The following WNT7B variants were observed in gnomAD, a reference collection of about 807,000 sequenced individuals.
The protein encoded by WNT7B is protein Wnt-7b.
Under a neutral mutation model 38.2 loss-of-function variants are expected in WNT7B, and 19 were observed. The observed-to-expected ratio is 0.50, with a 90% confidence interval of 0.35 to 0.73. The LOEUF (loss-of-function observed/expected upper bound fraction) is 0.73. Among genes scored for constraint, WNT7B ranks in the 30% least tolerant of loss-of-function variants. WNT7B has a pLI of 0.01. For missense variants in WNT7B, 423 were observed against 507.9 expected, an observed-to-expected ratio of 0.83 and a Z score of 1.61; for synonymous variants, 243 against 209.3, an observed-to-expected ratio of 1.16 and a Z score of -1.39.
At position 45,945,024 on chromosome 22, in the gene WNT7B, A is replaced by G. The variant is rs557554656; in HGVS notation, c.298+4896T>C. Among the ~76,000 whole-genome samples the G allele has an allele frequency of 7.2e-5, 11 of 152,326 alleles. No individual in the cohort carries two copies. The East Asian group carries it at 2.1e-3, about 29-fold the overall frequency. On this transcript the variant is annotated intron_variant, in intron 2 of 3. Transcript: ENST00000339464. ...TCAACGGAAGGTTCAGGTGAGCCGCAGGTGTCCGCTGAAATTTTCTAGTAG... is the reference window on the plus strand; with the variant it reads ...TCAACGGAAGGTTCAGGTGAGCCGCGGGTGTCCGCTGAAATTTTCTAGTAG...
At chr22:45,963,772 C>G (rs1046021416) in intron 1 of WNT7B, among the ~76,000 whole-genome samples, 2 of 152,178 alleles carry the variant, frequency 1.3e-5, no homozygotes, top group African/African-American at 4.8e-5. Flanking sequence ...GCTGCAAAGC[C>G]TGGCTCTCCC....
intron 1 of WNT7B, among the ~76,000 whole-genome samples, chr22:45,962,202 G>GATGACCCC (rs1932213431): frequency 6.6e-6 from 1 of 152,158 alleles, no homozygotes; most frequent in South Asian, 2.1e-4. Flanking sequence ...GCTGCAGGTG[G>GATGACCCC]ATGAGCCACA....
intron 2 of WNT7B, among the ~76,000 whole-genome samples, chr22:45,943,048 A>G (rs965433394): frequency 1.4e-5 from 2 of 145,170 alleles, no homozygotes; most frequent in Admixed American, 7.1e-5. Context: ...TGTGTGCAGC[A>G]TGCATGTGTG....
chr22:45,972,108 C>CGGGGGGCGG, intron 1 of WNT7B: 1 of 579,224 alleles, frequency 1.7e-6, no homozygotes, highest in Non-Finnish European at 3.1e-6. Context: ...GCTGGAGGCC[C>CGGGGGGCGG]GGGGGGAGCC....
intron 2 of WNT7B, among the ~76,000 whole-genome samples, chr22:45,933,057 G>A: frequency 6.6e-6 from 1 of 152,172 alleles, no homozygotes; most frequent in East Asian, 1.9e-4. Context: ...CAGCCTGCTG[G>A]GGGCTCAGCC....
At chr22:45,959,721 C>T (rs755139684) in intron 1 of WNT7B, among the ~76,000 whole-genome samples, 2 of 152,184 alleles carry the variant, frequency 1.3e-5, no homozygotes, top group Non-Finnish European at 1.5e-5. Context: ...TCGCTCTGGA[C>T]TGGACACCGG....
chr22:45,964,234 C>T (rs761170478), intron 1 of WNT7B, among the ~76,000 whole-genome samples: 5 of 152,158 alleles, frequency 3.3e-5, no homozygotes, highest in Non-Finnish European at 5.9e-5. Flanking sequence ...GCCTGCCTGG[C>T]ATCCAGGGAT....
At chr22:45,964,564 C>T (rs1307032191) in intron 1 of WNT7B, among the ~76,000 whole-genome samples, 2 of 152,160 alleles carry the variant, frequency 1.3e-5, no homozygotes, top group Admixed American at 6.5e-5. Flanking sequence ...GGTGAAGTCA[C>T]CCTGGGAAGA....
chr22:45,930,040 T>C (rs545860755), intron 3 of WNT7B, among the ~76,000 whole-genome samples: 117 of 150,036 alleles, frequency 7.8e-4, no homozygotes, highest in Non-Finnish European at 1.5e-3. Context: ...GTCAAACCCC[T>C]GGCCTGGTGT....
intron 3 of WNT7B, among the ~76,000 whole-genome samples, chr22:45,929,575 T>C (rs940174632): frequency 5.7e-5 from 8 of 139,924 alleles, no homozygotes; most frequent in African/African-American, 8.1e-5. Flanking sequence ...CCCTCATTCA[T>C]CCATACTTCC....
chr22:45,965,933 C>T lies in WNT7B; in HGVS notation c.71+10751G>A, dbSNP rs752598035. Among the ~76,000 whole-genome samples, 1 of 152,198 alleles carries T rather than the reference C, an allele frequency of 6.6e-6. No homozygotes were observed. The highest frequency in any genetic ancestry group is 2.4e-5 in the African/African-American group (1 of 41,452). On this transcript the variant is annotated intron_variant, in intron 1 of 3. Coordinates refer to ENST00000339464, the MANE Select transcript of WNT7B (RefSeq NM_058238.3). The surrounding 1 kb of genome is among the most constrained non-coding windows in gnomAD (Gnocchi z 6.5). ...CTGGAAACCCGCCTTAGTAAAACAC[C>T]GTGACAAGTGGCATGGACCCGACAG... is the stretch of plus-strand genomic sequence containing the variant.
At chr22:45,957,111 A>AT (rs1555909579) in intron 1 of WNT7B, among the ~76,000 whole-genome samples, 44 of 123,488 alleles carry the variant, frequency 3.6e-4, no homozygotes, top group South Asian at 1.2e-3. Flanking sequence ...TCTCAAAAAA[A>AT]AAAAAAAAAA....
Position 45,920,381 on chromosome 22 carries a change from T to C in WNT7B, c.*2475A>G, listed in dbSNP as rs761141806. On this transcript the variant is annotated 3_prime_UTR_variant, in exon 4 of 4. Coordinates refer to ENST00000339464, the MANE Select transcript of WNT7B (RefSeq NM_058238.3). ...ACACACTCACTTTTCCGATTCCAGCTTTTATTGGGCCGAGCACTCCCCTCC... is the reference window on the plus strand; with the variant it reads ...ACACACTCACTTTTCCGATTCCAGCCTTTATTGGGCCGAGCACTCCCCTCC... 1.3e-5 allele frequency: 2 copies of C among 152,066 alleles called. No homozygotes were observed. The highest frequency in any genetic ancestry group is 4.8e-5 in the African/African-American group (2 of 41,378). 9.4% of individuals were successfully genotyped at this position (152,066 alleles called of 1,614,324 possible). A position where few individuals can be genotyped will look rare whatever the true frequency, so the allele number is the denominator to read the frequency against.
At chr22:45,929,402 A>C (rs192565364) in intron 3 of WNT7B, among the ~76,000 whole-genome samples, 1 of 140,562 alleles carries the variant, frequency 7.1e-6, no homozygotes, top group East Asian at 2.0e-4. Context: ...CCATCCTTCC[A>C]TCCACCCGTG....
At chr22:45,927,435 C>A (rs1931122029) in intron 3 of WNT7B, 1 of 1,545,626 alleles carries the variant, frequency 6.5e-7, no homozygotes, top group South Asian at 1.2e-5. Flanking sequence ...CACATGCCAG[C>A]TAGGGGAACG....
chr22:45,969,111 C>A (rs1423353305), intron 1 of WNT7B, among the ~76,000 whole-genome samples: 3 of 152,242 alleles, frequency 2.0e-5, no homozygotes, highest in Non-Finnish European at 4.4e-5. Context: ...GGGTCATGGC[C>A]ACAGCACTTC....
intron 2 of WNT7B, among the ~76,000 whole-genome samples, chr22:45,944,996 C>T (rs111417285): frequency 9.2e-5 from 14 of 152,322 alleles, no homozygotes; most frequent in Admixed American, 2.6e-4. Context: ...GGTGCAGCAC[C>T]GCTCAACGGA....
chr22:45,931,509 T>C, intron 2 of WNT7B, 140 bp from the exon 3 acceptor site: 1 of 1,055,502 alleles, frequency 9.5e-7, no homozygotes, highest in South Asian at 1.7e-5. Flanking sequence ...CCTCTGTGCC[T>C]CTGACTCACC....
chr22:45,927,384 T>C (rs965830424), intron 3 of WNT7B: 5 of 1,510,842 alleles, frequency 3.3e-6, no homozygotes, highest in Non-Finnish European at 3.5e-6. Context: ...CTCCAGACTC[T>C]GCCCATCTCA....
Sources: gnomAD v4.1 joint callset for allele counts (sites outside exome capture counted in the v4.1 genomes callset) on GRCh38, gnomAD v4.1.1 for gene constraint, Gnocchi (gnomAD v3.1) non-coding constraint, MANE v1.5 for transcripts, NCBI Gene and HGNC (gene_info 2026-07-23, HGNC 2026-07-21) for gene names.